The following CORO6 variants were observed in gnomAD, a reference collection of about 807,000 sequenced individuals.
The protein encoded by CORO6 is coronin-6.
A neutral mutation model predicts 49.0 loss-of-function variants in CORO6; 43 were observed. The observed-to-expected ratio is 0.88, with a 90% confidence interval of 0.69 to 1.13. The LOEUF is 1.13. Ranked by LOEUF, CORO6 falls within the 50% of genes most tolerant of loss-of-function variation. The probability of loss-of-function intolerance (pLI) is 0.00; values close to 1 mark genes in which losing one functional copy is unlikely to be tolerated. For synonymous variants in CORO6, 233 were observed against 256.5 expected (o/e 0.91, Z 0.88); for missense variants, 650 against 647.0 (o/e 1.00, Z -0.05).
At chr17:29,619,537 C>A in intron 3 of CORO6, 114 bp downstream of exon 3, 2 of 1,055,564 alleles carry the variant, frequency 1.9e-6, no homozygotes, top group East Asian at 4.8e-5. Flanking sequence ...CAGGGCAGGG[C>A]CCTGGGACCC....
In CORO6 at chr17:29,621,601, T is replaced by G. The variant is rs950821894; in HGVS notation, c.-63-117A>C. 8 of 1,113,634 alleles carry G rather than the reference T, an allele frequency of 7.2e-6. No individual in the cohort carries two copies. In the Admixed American group the frequency reaches 1.9e-4, roughly 26 times the overall value. 69.0% of individuals were successfully genotyped at this position (1,113,634 alleles called of 1,614,324 possible). A position where few individuals can be genotyped will look rare whatever the true frequency, so the allele number is the denominator to read the frequency against. On this transcript the variant is annotated intron_variant, in intron 1 of 10. Coordinates refer to ENST00000388767, the MANE Select transcript of CORO6 (RefSeq NM_032854.4). This position sits in a 1 kb window ranked among gnomAD's most constrained non-coding sequence, Gnocchi z 4.2. ...AAGCAGGGAGCTTTCTTCAAGGTGG[T>G]CAAAGTATGGGAAAGTTATTTTGCT...
In CORO6 at chr17:29,621,244, T is replaced by C. The variant is rs2035291940; in HGVS notation, c.178A>G (p.Ile60Val). 1 of 1,613,982 alleles carries C rather than the reference T, an allele frequency of 6.2e-7. No homozygotes were observed. The highest frequency in any genetic ancestry group is 1.3e-5 in the African/African-American group (1 of 74,902). The stretch of plus-strand genomic sequence containing the variant: ...CTCACCTTGGCCAGAGGCAGGACGA[T>C]GAAGGCACCCCCGCCTCCAGCCTCC... ...IVEAGGGGAF[I>V]VLPLAKTGRV... The change falls in exon 2 of 11, where the codon ATC (isoleucine) becomes GTC (valine). Residue 60 changes from isoleucine to valine, a missense_variant. Coordinates refer to ENST00000388767, the MANE Select transcript of CORO6 (RefSeq NM_032854.4). This position sits in a 1 kb window ranked among gnomAD's most constrained non-coding sequence, Gnocchi z 4.2.
rs772560923 is a variant in CORO6 at position 29,616,102 on chromosome 17, A to T, written c.1136T>A (p.Leu379Gln). 9 of 1,613,040 alleles carry T rather than the reference A, an allele frequency of 5.6e-6. No homozygotes were observed. The highest frequency in any genetic ancestry group is 7.6e-6 in the Non-Finnish European group (9 of 1,180,000). Residue 379 changes from leucine (L) to glutamine (Q), a missense_variant, in exon 10 of 11, where the codon CTA becomes CAA. Physicochemically the swap from Leu to Gln is moderately radical, Grantham distance 113 (BLOSUM62 -2). Transcript: ENST00000388767. The surrounding 1 kb of genome is among the most constrained non-coding windows in gnomAD (Gnocchi z 5.6). ...CACGGGTTCGGCGTCCTGGCCGGATAGCCATTCGTCCGCTTCTAGGGCCGG... is the reference window on the plus strand; with the variant it reads ...CACGGGTTCGGCGTCCTGGCCGGATTGCCATTCGTCCGCTTCTAGGGCCGG... ...PEPALEADEW[L>Q]SGQDAEPVLI...
intron 6 of CORO6, 168 bp from the exon 7 acceptor site, chr17:29,617,210 C>T (rs755007953): frequency 2.0e-6 from 3 of 1,537,516 alleles, no homozygotes; most frequent in South Asian, 1.2e-5. Context: ...TCCTCCCCTG[C>T]GCACATAGCT....
intron 5 of CORO6, chr17:29,618,072 C>G: frequency 1.3e-6 from 2 of 1,501,420 alleles, no homozygotes; most frequent in Non-Finnish European, 8.8e-7. Context: ...CGAGTTGCCG[C>G]TCACTCATCC....
chr17:29,618,719 G>A (rs2035142160), intron 5 of CORO6, 71 bp downstream of exon 5: 2 of 1,532,622 alleles, frequency 1.3e-6, no homozygotes, highest in Admixed American at 1.9e-5. Context: ...TCTGATAATG[G>A]TGGGTACAAG....
Position 29,619,108 on chromosome 17 carries a change from C to T in CORO6, c.403G>A (p.Gly135Ser). 1.9e-6 allele frequency: 3 copies of T among 1,613,674 alleles called. No homozygotes were observed. Among genetic ancestry groups the T allele is most frequent in the African/African-American group, 1.3e-5 (1 of 74,998 alleles). The change falls in exon 4 of 11, where the codon GGC becomes AGC. Residue 135 changes from glycine to serine, a missense_variant. Coordinates refer to ENST00000388767, the MANE Select transcript of CORO6 (RefSeq NM_032854.4). ...ITLEGHSKRV[G>S]ILSWHPTARN... ...GCAGTAGGGTGCCAGGAGAGGATGCCCACACGCTTGGAGTGGCCCTCAAGT... is the reference window on the plus strand; with the variant it reads ...GCAGTAGGGTGCCAGGAGAGGATGCTCACACGCTTGGAGTGGCCCTCAAGT...
In CORO6 at chr17:29,616,361, C is replaced by G; in HGVS notation, c.1005-25G>C. The stretch of plus-strand genomic sequence containing the variant: ...CCTATAAGGGAGCAGGGTTCAGCAC[C>G]CTCGCAGACTTCCACGTCCTTAACT... On this transcript the variant is annotated intron_variant, in intron 8 of 10. Coordinates refer to ENST00000388767, the MANE Select transcript of CORO6 (RefSeq NM_032854.4). The surrounding 1 kb of genome is among the most constrained non-coding windows in gnomAD (Gnocchi z 5.6). 1.3e-6 allele frequency: 2 copies of G among 1,585,144 alleles called. No individual in the cohort carries two copies. The highest frequency in any genetic ancestry group is 1.3e-5 in the African/African-American group (1 of 74,774).
rs959491363 is a variant in CORO6 at position 29,614,827 on chromosome 17, T to C, written c.*905A>G. 2 of 152,358 alleles carry C rather than the reference T, an allele frequency of 1.3e-5. No homozygotes were observed. The highest frequency in any genetic ancestry group is 4.8e-5 in the African/African-American group (2 of 41,418). The allele number at this position is 152,358 out of a possible 1,614,324, so 9.4% of individuals were successfully genotyped here. A position where few individuals can be genotyped will look rare whatever the true frequency, so the allele number is the denominator to read the frequency against. On this transcript the variant is annotated 3_prime_UTR_variant, in exon 11 of 11. Coordinates refer to ENST00000388767, the MANE Select transcript of CORO6 (RefSeq NM_032854.4). The stretch of plus-strand genomic sequence containing the variant: ...GTGTGGGTTGGGGTCCTTCTGAACC[T>C]CAGAGTGGAGAGAGCTCTAGGGTAA...
chr17:29,617,959 C>G (rs1199668611), intron 5 of CORO6: 3 of 1,150,182 alleles, frequency 2.6e-6, no homozygotes, highest in African/African-American at 3.3e-5. Context: ...TCCGCTCTGG[C>G]CTCTTGGGCG....
chr17:29,617,448 T>C, intron 6 of CORO6, 52 bp downstream of exon 6: 4 of 1,567,760 alleles, frequency 2.6e-6, no homozygotes, highest in Non-Finnish European at 3.4e-6. Flanking sequence ...CTGGCCACTC[T>C]CCCGTGATGC....
chr17:29,620,368 G>A (rs543070377), intron 2 of CORO6, among the ~76,000 whole-genome samples: 1 of 152,376 alleles, frequency 6.6e-6, no homozygotes, highest in East Asian at 1.9e-4. Flanking sequence ...CAGGCAGCGG[G>A]GGAGAGGGTG....
Position 29,616,283 on chromosome 17 carries a change from C to A in CORO6, c.1058G>T (p.Arg353Leu), listed in dbSNP as rs1384042230. The change falls in exon 9 of 11, where the codon CGC (arginine) becomes CTC (leucine). Residue 353 changes from arginine to leucine, a missense_variant. Arg to Leu is a moderately radical substitution (Grantham distance 102). Coordinates refer to ENST00000388767, the MANE Select transcript of CORO6 (RefSeq NM_032854.4). This position sits in a 1 kb window ranked among gnomAD's most constrained non-coding sequence, Gnocchi z 5.6. ...ACCCTTCTCCCGGCCCCTCACCTTG[C>A]GGGGCACAGTCATGATGATAGGTTC... ...KCEPIIMTVP[R>L]KSDLFQDDLY... The A allele has an allele frequency of 6.2e-7, 1 of 1,611,236 alleles. No individual in the cohort carries two copies. Among genetic ancestry groups the A allele is most frequent in the African/African-American group, 1.3e-5 (1 of 74,996 alleles).
At chr17:29,619,817 T>A (rs1453104004) in intron 2 of CORO6, 44 bp from the exon 3 acceptor site, 1 of 1,583,054 alleles carries the variant, frequency 6.3e-7, no homozygotes, top group Admixed American at 1.7e-5. Context: ...CTCCTGTGTG[T>A]TTTTTGGGGA....
intron 5 of CORO6, 93 bp downstream of exon 5, chr17:29,618,697 G>A: frequency 1.4e-6 from 2 of 1,477,582 alleles, no homozygotes; most frequent in Non-Finnish European, 1.8e-6. Flanking sequence ...GGTGAAAGCC[G>A]GGACCAGGGG....
chr17:29,617,144 T>G (rs1292439108), intron 6 of CORO6, 102 bp from the exon 7 acceptor site: 10 of 1,573,862 alleles, frequency 6.4e-6, no homozygotes, highest in Non-Finnish European at 8.6e-6. Context: ...CCAAACCCTA[T>G]GCCCCAAACC....
intron 6 of CORO6, 137 bp from the exon 7 acceptor site, chr17:29,617,179 CT>C: frequency 1.3e-6 from 2 of 1,542,656 alleles, no homozygotes; most frequent in Non-Finnish European, 1.7e-6. Context: ...TTGCAGGCCC[CT>C]CCCCTGGGCA....
At position 29,614,765 on chromosome 17, in the gene CORO6, T is replaced by A. The variant is rs111487344; in HGVS notation, c.*967A>T. The A allele has an allele frequency of 6.6e-6, 1 of 152,532 alleles. No homozygotes were observed. The highest frequency in any genetic ancestry group is 1.5e-5 in the Non-Finnish European group (1 of 68,076). 9.4% of individuals were successfully genotyped at this position (152,532 alleles called of 1,614,324 possible). ...ATAAAAGAGGCTTCATACCGGAGGC[T>A]TTTGCTACCTAACTTTACTTGGGGG... On this transcript the variant is annotated 3_prime_UTR_variant, in exon 11 of 11. Transcript: ENST00000388767.
chr17:29,618,193 G>A (rs2035103594), intron 5 of CORO6: 1 of 1,337,458 alleles, frequency 7.5e-7, no homozygotes, highest in African/African-American at 1.5e-5. Flanking sequence ...GTGGGTTAGA[G>A]CGCCCCGGCG....
Sources: allele counts gnomAD v4.1 joint callset (sites outside exome capture counted in the v4.1 genomes callset), GRCh38; gene constraint gnomAD v4.1.1; non-coding constraint Gnocchi (gnomAD v3.1); transcripts MANE v1.5; gene names NCBI Gene and HGNC (gene_info 2026-07-23, HGNC 2026-07-21).